The following LAMB1 variants were observed in gnomAD, a reference collection of about 807,000 sequenced individuals.
The protein encoded by LAMB1 is laminin subunit beta 1.
LAMB1 carries 121 observed loss-of-function variants against 222.3 expected under a neutral mutation model. That is an observed-to-expected ratio of 0.54 (90% CI 0.47 to 0.63). The LOEUF (loss-of-function observed/expected upper bound fraction) is 0.63, where lower values mean the gene tolerates loss of function less well. Among genes scored for constraint, LAMB1 ranks in the 30% least tolerant of loss-of-function variants. LAMB1 has a pLI of 0.00. For synonymous variants in LAMB1, 794 were observed against 807.2 expected (o/e 0.98, Z 0.28); for missense variants, 2,172 against 2,240.8 (o/e 0.97, Z 0.62).
chr7:107,954,506 G>T (rs937300762), intron 21 of LAMB1, among the ~76,000 whole-genome samples: 3 of 152,012 alleles, frequency 2.0e-5, no homozygotes, highest in Non-Finnish European at 4.4e-5. Flanking sequence ...TGGGCGCAGT[G>T]GCTCACGCCT....
intron 7 of LAMB1, among the ~76,000 whole-genome samples, chr7:107,983,108 C>T (rs2034006580): frequency 6.6e-6 from 1 of 152,150 alleles, no homozygotes; most frequent in African/African-American, 2.4e-5. Context: ...CAGAGCTGGA[C>T]ACATCTATTA....
chr7:107,924,164 C>T (rs2032503388), intron 33 of LAMB1, 66 bp downstream of exon 33: 2 of 1,537,862 alleles, frequency 1.3e-6, no homozygotes, highest in African/African-American at 1.4e-5. Flanking sequence ...ATATATTTTT[C>T]ACTTTTAAAT....
intron 32 of LAMB1, among the ~76,000 whole-genome samples, chr7:107,925,886 A>C (rs200002287): frequency 7.7e-6 from 1 of 130,312 alleles, no homozygotes; most frequent in East Asian, 2.4e-4. Flanking sequence ...GTTTTTGTCA[A>C]TATAGTTGGT....
At chr7:107,984,746 T>C (rs2034041497) in intron 7 of LAMB1, among the ~76,000 whole-genome samples, 1 of 152,226 alleles carries the variant, frequency 6.6e-6, no homozygotes. Context: ...GATAAACAAC[T>C]ATTTTTTAGG....
Position 107,935,489 on chromosome 7 carries a change from CTTG to C in LAMB1, c.4111_4113del (p.Gln1371del). ...TCATCAAGGAGGCGAGCCTGCTCCT[CTTG>C]TTTTTCCTTGAACTGGGATTCTCGC... is the stretch of plus-strand genomic sequence containing the variant. On this transcript the variant is annotated inframe_deletion, in exon 27 of 34. Coordinates refer to ENST00000222399, the MANE Select transcript of LAMB1 (RefSeq NM_002291.3). The C allele has an allele frequency of 6.2e-7, 1 of 1,613,518 alleles. No individual in the cohort carries two copies. Among genetic ancestry groups the C allele is most frequent in the Non-Finnish European group, 8.5e-7 (1 of 1,179,930 alleles).
chr7:107,998,847 G>C (rs963538757), intron 3 of LAMB1, among the ~76,000 whole-genome samples: 1 of 152,182 alleles, frequency 6.6e-6, no homozygotes, highest in African/African-American at 2.4e-5. Flanking sequence ...GGAGATATTA[G>C]AGAATTTTTG....
intron 5 of LAMB1, among the ~76,000 whole-genome samples, chr7:107,991,173 G>C (rs1362868842): frequency 1.3e-5 from 2 of 152,064 alleles, no homozygotes; most frequent in Non-Finnish European, 2.9e-5. Context: ...GTTATTAACT[G>C]CAAGAATACA....
chr7:108,002,422 A>C, intron 2 of LAMB1: 2 of 1,313,702 alleles, frequency 1.5e-6, no homozygotes, highest in Non-Finnish European at 1.0e-6. Context: ...TGGTTAATTA[A>C]AGCCACATGG....
intron 7 of LAMB1, among the ~76,000 whole-genome samples, chr7:107,982,190 CG>C (rs2033985517): frequency 6.6e-6 from 1 of 152,198 alleles, no homozygotes; most frequent in Non-Finnish European, 1.5e-5. Flanking sequence ...ACCTTCTCCA[CG>C]GGGTTTTCGT....
intron 13 of LAMB1, among the ~76,000 whole-genome samples, chr7:107,970,598 A>G (rs1385600700): frequency 6.6e-6 from 1 of 152,104 alleles, no homozygotes; most frequent in African/African-American, 2.4e-5. Flanking sequence ...ATATTTTTCA[A>G]TGTTATTAAA....
intron 5 of LAMB1, among the ~76,000 whole-genome samples, chr7:107,993,357 C>T (rs902914624): frequency 1.3e-5 from 2 of 152,174 alleles, no homozygotes; most frequent in Non-Finnish European, 2.9e-5. Context: ...TGGTCTTGAA[C>T]TCCTGACCTC....
intron 7 of LAMB1, among the ~76,000 whole-genome samples, chr7:107,984,122 C>T (rs561738540): frequency 1.3e-5 from 2 of 152,298 alleles, no homozygotes; most frequent in South Asian, 2.1e-4. Flanking sequence ...TAAGAGCCCT[C>T]GCCAAGAGTG....
intron 3 of LAMB1, chr7:107,999,886 GCTGCACCTCTTTTTTGTGGTTT>G (rs966913264): frequency 6.6e-6 from 1 of 151,132 alleles, no homozygotes; most frequent in African/African-American, 2.4e-5. Context: ...AGGAGAGACC[GCTGCACCTCTTTTTTGTGGTTT>G]CTGATGCTCT....
rs535109862 is a variant in LAMB1 at position 108,002,585 on chromosome 7, A to C, written c.37+264T>G. Among the ~76,000 whole-genome samples, 179 of 152,256 alleles carry C rather than the reference A, an allele frequency of 1.2e-3. 3 individuals carry two copies. Among genetic ancestry groups the C allele is most frequent in the African/African-American group, 4.2e-3 (176 of 41,572 alleles). The stretch of plus-strand genomic sequence containing the variant: ...CCAGGGTGAACCGGCCGAGGGTGCA[A>C]AACCCTGAGCGGGGGCCGCGGGAGG... On this transcript the variant is annotated intron_variant, in intron 2 of 33. Coordinates refer to ENST00000222399, the MANE Select transcript of LAMB1 (RefSeq NM_002291.3).
At chr7:107,997,478 G>T (rs972687171) in intron 4 of LAMB1, among the ~76,000 whole-genome samples, 1 of 152,098 alleles carries the variant, frequency 6.6e-6, no homozygotes, top group Admixed American at 6.6e-5. Flanking sequence ...TATTAAGGGC[G>T]TTTGTCTTTA....
At chr7:107,974,405 T>C (rs1035833472) in intron 12 of LAMB1, among the ~76,000 whole-genome samples, 1 of 152,108 alleles carries the variant, frequency 6.6e-6, no homozygotes, top group Admixed American at 6.5e-5. Context: ...CCTGATGTTA[T>C]TGTCATTTTC....
In LAMB1 at chr7:107,966,274, G is replaced by A. The variant is rs745768013; in HGVS notation, c.1563-1587C>T. On this transcript the variant is annotated intron_variant, in intron 13 of 33. Coordinates refer to ENST00000222399, the MANE Select transcript of LAMB1 (RefSeq NM_002291.3). The stretch of plus-strand genomic sequence containing the variant: ...CGCCCACGCTGGAGTACAGTGGAAC[G>A]ATCTCGGTTCACTGCAACCTCCGCC... 3.3e-5 allele frequency among the ~76,000 whole-genome samples: 5 copies of A among 151,886 alleles called. No individual in the cohort carries two copies. In the East Asian group the frequency reaches 5.8e-4, roughly 18 times the overall value.
chr7:107,963,000 A>C lies in LAMB1; in HGVS notation c.1762T>G (p.Phe588Val). The change falls in exon 15 of 34, where the codon TTC becomes GTC. Residue 588 changes from phenylalanine to valine, a missense_variant. Phe to Val is a conservative substitution (Grantham distance 50). Transcript: ENST00000222399. Reference sequence around the variant, plus strand: ...TAAGCCCCTTCAGGCACTCGGACGAAGCCGGCTCCAGTCCAGGAGGGAATC... The same window carrying C: ...TAAGCCCCTTCAGGCACTCGGACGACGCCGGCTCCAGTCCAGGAGGGAATC... ...DRIPSWTGAGFVRVPEGAYLE... is the reference protein window; with the variant it reads ...DRIPSWTGAGVVRVPEGAYLE... The C allele has an allele frequency of 6.2e-7, 1 of 1,614,086 alleles. No individual in the cohort carries two copies. Among genetic ancestry groups the C allele is most frequent in the South Asian group, 1.1e-5 (1 of 91,076 alleles).
chr7:107,975,254 T>C lies in LAMB1; in HGVS notation c.1349A>G (p.Glu450Gly). The C allele has an allele frequency of 6.2e-7, 1 of 1,613,716 alleles. No individual in the cohort carries two copies. ...CKEGFYDLSS[E>G]DPFGCKSCAC... is the part of the protein sequence containing the mutation. ...CCTACATTTACAACCAAATGGATCT[T>C]CACTGCTTAAATCATAGAAGCCTTC... The change falls in exon 11 of 34, where the codon GAA becomes GGA. Residue 450 changes from glutamate to glycine, a missense_variant. Transcript: ENST00000222399.
Sources: gnomAD v4.1 joint callset for allele counts (sites outside exome capture counted in the v4.1 genomes callset) on GRCh38, gnomAD v4.1.1 for gene constraint, MANE v1.5 for transcripts, NCBI Gene and HGNC (gene_info 2026-07-23, HGNC 2026-07-21) for gene names.